Variants in GPC6 observed in about 807,000 individuals in gnomAD.
The protein encoded by GPC6 is glypican-6.
GPC6 carries 14 observed loss-of-function variants against 55.2 expected under a neutral mutation model. That is an observed-to-expected ratio of 0.25 (90% CI 0.17 to 0.40). GPC6 has a LOEUF of 0.40. Among genes scored for constraint, GPC6 ranks in the 10% least tolerant of loss-of-function variants. The probability of loss-of-function intolerance (pLI) is 1.00; values close to 1 mark genes in which losing one functional copy is unlikely to be tolerated. For synonymous variants in GPC6, 278 were observed against 259.6 expected, an observed-to-expected ratio of 1.07 and a Z score of -0.68; for missense variants, 641 against 708.5, an observed-to-expected ratio of 0.90 and a Z score of 1.08.
intron 4 of GPC6, among the ~76,000 whole-genome samples, chr13:94,131,242 C>T (rs1886990512): frequency 6.6e-6 from 1 of 152,086 alleles, no homozygotes; most frequent in Admixed American, 6.6e-5. Context: ...ATGCCGAAAA[C>T]CTCTTTAAAG....
intron 1 of GPC6, among the ~76,000 whole-genome samples, chr13:93,523,695 C>G (rs1881537835): frequency 6.6e-6 from 1 of 152,044 alleles, no homozygotes; most frequent in African/African-American, 2.4e-5. Flanking sequence ...CATGATCCCC[C>G]AAATCAAAAG....
At chr13:94,298,547 T>A (rs1354594494) in intron 5 of GPC6, among the ~76,000 whole-genome samples, 1 of 152,094 alleles carries the variant, frequency 6.6e-6, no homozygotes, top group Non-Finnish European at 1.5e-5. Context: ...AGCCCAGCTG[T>A]CTCCAGCACC....
intron 1 of GPC6, among the ~76,000 whole-genome samples, chr13:93,426,511 G>A (rs1347507805): frequency 6.7e-6 from 1 of 150,192 alleles, no homozygotes; most frequent in Non-Finnish European, 1.5e-5. Flanking sequence ...TCTTGCGATA[G>A]TTTACTGAGA....
intron 6 of GPC6, among the ~76,000 whole-genome samples, chr13:94,375,202 A>G (rs1039343557): frequency 2.6e-5 from 4 of 152,044 alleles, no homozygotes; most frequent in African/African-American, 7.3e-5. Context: ...GGCAAGAAAT[A>G]ACTAAAATCA....
intron 4 of GPC6, among the ~76,000 whole-genome samples, chr13:94,174,125 G>A (rs1389904056): frequency 6.6e-6 from 1 of 152,058 alleles, no homozygotes. Flanking sequence ...TGGCAGGCAG[G>A]GCACAAGATT....
At chr13:93,476,872 A>AT (rs1469529380) in intron 1 of GPC6, among the ~76,000 whole-genome samples, 12 of 152,314 alleles carry the variant, frequency 7.9e-5, no homozygotes, top group African/African-American at 2.6e-4. Flanking sequence ...ACTATGAAAC[A>AT]TGATTATTTT....
At chr13:93,330,041 G>C (rs534079322) in intron 1 of GPC6, among the ~76,000 whole-genome samples, 23 of 152,278 alleles carry the variant, frequency 1.5e-4, no homozygotes, top group African/African-American at 5.3e-4. Context: ...CAAGAATAAA[G>C]ACCAAAGTCA....
chr13:94,009,920 G>A (rs1465557368), intron 3 of GPC6, among the ~76,000 whole-genome samples: 2 of 152,152 alleles, frequency 1.3e-5, no homozygotes, highest in East Asian at 1.9e-4. Flanking sequence ...AATTCAGTTG[G>A]CATTGCTGTT....
chr13:94,026,599 T>C (rs1007453650), intron 3 of GPC6, among the ~76,000 whole-genome samples: 2 of 152,098 alleles, frequency 1.3e-5, no homozygotes. Context: ...TAGTTTTCTG[T>C]ATTTGCTTTC....
chr13:94,375,317 A>G (rs75845742), intron 6 of GPC6, among the ~76,000 whole-genome samples: 1 of 152,188 alleles, frequency 6.6e-6, no homozygotes, highest in Non-Finnish European at 1.5e-5. Flanking sequence ...ACTAATAAAG[A>G]AAAAAAGAGA....
At chr13:93,345,934 A>G (rs746667133) in intron 1 of GPC6, among the ~76,000 whole-genome samples, 4 of 152,240 alleles carry the variant, frequency 2.6e-5, no homozygotes, top group Non-Finnish European at 5.9e-5. Flanking sequence ...AAAGTTCACC[A>G]TAGTTTGCAA....
chr13:93,323,864 C>T (rs1879546485), intron 1 of GPC6, among the ~76,000 whole-genome samples: 1 of 152,080 alleles, frequency 6.6e-6, no homozygotes, highest in African/African-American at 2.4e-5. Flanking sequence ...AGTACAACCA[C>T]TAAGGAGAAC....
At chr13:93,258,447 G>C (rs942603898) in intron 1 of GPC6, among the ~76,000 whole-genome samples, 1 of 152,104 alleles carries the variant, frequency 6.6e-6, no homozygotes, top group African/African-American at 2.4e-5. Flanking sequence ...GGATGGCCTT[G>C]GTGGTTTGAT....
chr13:94,333,466 C>G (rs1457119775), intron 6 of GPC6, among the ~76,000 whole-genome samples: 1 of 152,232 alleles, frequency 6.6e-6, no homozygotes, highest in African/African-American at 2.4e-5. Context: ...AGAAGAGGTA[C>G]AGTTCCTATC....
intron 2 of GPC6, among the ~76,000 whole-genome samples, chr13:93,549,975 A>C (rs1378208968): frequency 6.6e-6 from 1 of 152,142 alleles, no homozygotes; most frequent in Admixed American, 6.5e-5. Context: ...TTTTGAATGG[A>C]TACTGTTGAA....
At chr13:93,812,821 C>T (rs1001147856) in intron 2 of GPC6, among the ~76,000 whole-genome samples, 3 of 152,298 alleles carry the variant, frequency 2.0e-5, no homozygotes, top group African/African-American at 4.8e-5. Context: ...ATGTCATTCT[C>T]ATAACACTCT....
intron 2 of GPC6, among the ~76,000 whole-genome samples, chr13:93,586,934 T>C (rs1297605281): frequency 6.6e-6 from 1 of 152,172 alleles, no homozygotes; most frequent in Non-Finnish European, 1.5e-5. Flanking sequence ...GGTTTGGATA[T>C]GTAATGTTAT....
chr13:94,172,427 A>G (rs1888605033), intron 4 of GPC6, among the ~76,000 whole-genome samples: 1 of 152,204 alleles, frequency 6.6e-6, no homozygotes, highest in East Asian at 1.9e-4. Flanking sequence ...GGTAATGTTT[A>G]AAGATAATGA....
intron 1 of GPC6, among the ~76,000 whole-genome samples, chr13:93,329,506 TA>T (rs1202993664): frequency 1.3e-5 from 2 of 152,232 alleles, no homozygotes; most frequent in African/African-American, 4.8e-5. Context: ...GTTGCTTATT[TA>T]AAAAGGTTTT....
Sources: gnomAD v4.1 joint callset for allele counts (sites outside exome capture counted in the v4.1 genomes callset) on GRCh38, gnomAD v4.1.1 for gene constraint, MANE v1.5 for transcripts, NCBI Gene and HGNC (gene_info 2026-07-23, HGNC 2026-07-21) for gene names.